Variants in ZMYND12 observed in about 807,000 individuals in gnomAD.
ZMYND12 encodes zinc finger MYND domain-containing protein 12.
In ZMYND12, 32 loss-of-function variants were observed where a neutral mutation model predicts 41.7. The observed-to-expected ratio is 0.77, with a 90% CI of 0.58 to 1.03. The LOEUF is 1.03. ZMYND12 is among the 50% of genes least tolerant of loss of function. The probability of loss-of-function intolerance (pLI) is 0.00; values close to 1 mark genes in which losing one functional copy is unlikely to be tolerated. For synonymous variants in ZMYND12, 148 were observed against 164.8 expected, an observed-to-expected ratio of 0.90 and a Z score of 0.78; for missense variants, 424 against 438.5, an observed-to-expected ratio of 0.97 and a Z score of 0.30.
chr1:42,440,560 A>G (rs1358366891), intron 3 of ZMYND12, among the ~76,000 whole-genome samples: 1 of 149,496 alleles, frequency 6.7e-6, no homozygotes, highest in Non-Finnish European at 1.5e-5. Flanking sequence ...ACTGCTGACA[A>G]TTACAGGCTT....
intron 5 of ZMYND12, 189 bp from the exon 6 acceptor site, chr1:42,435,574 T>G: frequency 1.9e-6 from 1 of 524,074 alleles, no homozygotes; most frequent in Non-Finnish European, 3.4e-6. Flanking sequence ...TGACAAGTGA[T>G]GGGCTGAAAA....
At chr1:42,450,519 TTC>T (rs1288282971) in intron 1 of ZMYND12, among the ~76,000 whole-genome samples, 1 of 152,204 alleles carries the variant, frequency 6.6e-6, no homozygotes, top group East Asian at 1.9e-4. Context: ...AGTTTCTTTA[TTC>T]TCTGTTTTAT....
chr1:42,447,711 CAGTTTTACTTTTAAAAA>C (rs1010073725), intron 3 of ZMYND12, among the ~76,000 whole-genome samples: 16 of 152,222 alleles, frequency 1.1e-4, no homozygotes, highest in South Asian at 4.1e-4. Flanking sequence ...TTAATTTTAA[CAGTTTTACTTTTAAAAA>C]AGTTTTACTT....
At chr1:42,440,524 T>C (rs1442140136) in intron 3 of ZMYND12, among the ~76,000 whole-genome samples, 3 of 152,032 alleles carry the variant, frequency 2.0e-5, no homozygotes, top group Admixed American at 2.0e-4. Context: ...GGGGGTCCAA[T>C]GCAAGGGAGG....
In ZMYND12 at chr1:42,455,921, C is replaced by CGCTCG. The variant is rs1643168027; in HGVS notation, c.72_76dup (p.Arg26ProfsTer34). ...AGTGACTGTGCAGGCCGCGCACACC[C>CGCTCG]GCTCGGCTGGGGCTTCGCACACCTC... On this transcript the variant is annotated frameshift_variant, in exon 1 of 8. Transcript: ENST00000372565. LOFTEE classifies it high-confidence loss of function. 1.2e-6 allele frequency: 2 copies of CGCTCG among 1,613,794 alleles called. No individual in the cohort carries two copies. The highest frequency in any genetic ancestry group is 3.3e-4 in the Middle Eastern group (2 of 6,060).
intron 1 of ZMYND12, among the ~76,000 whole-genome samples, chr1:42,451,472 G>A (rs1643082472): frequency 6.6e-6 from 1 of 152,240 alleles, no homozygotes; most frequent in African/African-American, 2.4e-5. Flanking sequence ...ATCTAGAGGA[G>A]GGATCAGAAA....
At chr1:42,440,388 C>A (rs1233465638) in intron 3 of ZMYND12, among the ~76,000 whole-genome samples, 1 of 152,034 alleles carries the variant, frequency 6.6e-6, no homozygotes, top group Non-Finnish European at 1.5e-5. Flanking sequence ...AACCAGACAC[C>A]AAAGGCCACA....
chr1:42,449,990 C>T lies in ZMYND12; in HGVS notation c.180G>A (p.Leu60=), dbSNP rs1242237570. Residue 60 remains leucine (L), a synonymous_variant, in exon 2 of 8, where the codon CTG becomes CTA. Coordinates refer to ENST00000372565, the MANE Select transcript of ZMYND12 (RefSeq NM_032257.5). ...AATTGTAGAAGGGCATGGAAGTGCG[C>T]AGTGGAATCAAGAGCTGACATATTT... ...HEKICQLLIP[L]RTSMPFYNSE... The T allele has an allele frequency of 6.2e-7, 1 of 1,613,944 alleles. No homozygotes were observed. The highest frequency in any genetic ancestry group is 1.1e-5 in the South Asian group (1 of 91,084).
At chr1:42,434,896 C>G (rs945993853) in intron 6 of ZMYND12, among the ~76,000 whole-genome samples, 7 of 152,076 alleles carry the variant, frequency 4.6e-5, no homozygotes, top group African/African-American at 7.2e-5. Flanking sequence ...CCACGCCCCC[C>G]AGTCCATGGA....
At chr1:42,435,539 CA>C in intron 5 of ZMYND12, 154 bp from the exon 6 acceptor site, 2 of 590,272 alleles carry the variant, frequency 3.4e-6, no homozygotes, top group Non-Finnish European at 3.0e-6. Flanking sequence ...CCTAGGAGCC[CA>C]AACAGGCCTG....
chr1:42,441,770 G>A (rs373102198), intron 3 of ZMYND12, among the ~76,000 whole-genome samples: 57 of 151,952 alleles, frequency 3.8e-4, no homozygotes, highest in East Asian at 9.7e-4. Flanking sequence ...ACAGGCGCCC[G>A]CCACTACGCC....
rs1643166258 is a variant in ZMYND12, at chr1:42,455,871, C to T, written c.110+17G>A. ...GGAGGGAGTTATAGCGCCCAGGTGC[C>T]ACGTTTCAGGGCCTACCAGTAATAA... On this transcript the variant is annotated intron_variant, in intron 1 of 7. Transcript: ENST00000372565. The T allele has an allele frequency of 6.3e-7, 1 of 1,590,256 alleles. No homozygotes were observed. Among genetic ancestry groups the T allele is most frequent in the Non-Finnish European group, 8.6e-7 (1 of 1,163,788 alleles).
At position 42,455,869 on chromosome 1, in the gene ZMYND12, G is replaced by A. The variant is rs761415381; in HGVS notation, c.110+19C>T. On this transcript the variant is annotated intron_variant, in intron 1 of 7. Transcript: ENST00000372565. ...AGGGAGGGAGTTATAGCGCCCAGGT[G>A]CCACGTTTCAGGGCCTACCAGTAAT... is the stretch of plus-strand genomic sequence containing the variant. 1 of 1,584,190 alleles carries A rather than the reference G, an allele frequency of 6.3e-7. No homozygotes were observed. Among genetic ancestry groups the A allele is most frequent in the Non-Finnish European group, 8.6e-7 (1 of 1,158,594 alleles).
chr1:42,433,355 C>T, intron 6 of ZMYND12, 67 bp from the exon 7 acceptor site: 1 of 1,506,640 alleles, frequency 6.6e-7, no homozygotes, highest in South Asian at 1.4e-5. Context: ...ATCAAAAGCA[C>T]TCAGCTGTTA....
intron 1 of ZMYND12, among the ~76,000 whole-genome samples, chr1:42,452,305 T>C (rs1050839822): frequency 1.3e-5 from 2 of 152,248 alleles, no homozygotes; most frequent in African/African-American, 4.8e-5. Flanking sequence ...GTATTTGTAG[T>C]GAATTACAGA....
intron 1 of ZMYND12, among the ~76,000 whole-genome samples, chr1:42,453,609 AG>A (rs1197220880): frequency 1.8e-4 from 27 of 152,248 alleles, no homozygotes; most frequent in African/African-American, 6.5e-4. Flanking sequence ...CAGAGGAAGA[AG>A]GAATTACTTC....
intron 1 of ZMYND12, among the ~76,000 whole-genome samples, chr1:42,451,552 A>G (rs571516245): frequency 5.3e-5 from 8 of 152,210 alleles, no homozygotes; most frequent in Non-Finnish European, 8.8e-5. Flanking sequence ...GCAACTACTC[A>G]ACTCTGCTGT....
At chr1:42,448,057 G>A (rs1358040864) in intron 3 of ZMYND12, among the ~76,000 whole-genome samples, 1 of 152,194 alleles carries the variant, frequency 6.6e-6, no homozygotes, top group Non-Finnish European at 1.5e-5. Flanking sequence ...ACATTTTGGG[G>A]TAGCTGTCTT....
chr1:42,455,255 C>G (rs1643145516), intron 1 of ZMYND12, among the ~76,000 whole-genome samples: 1 of 152,196 alleles, frequency 6.6e-6, no homozygotes, highest in Admixed American at 6.5e-5. Context: ...TCAAATGTTT[C>G]TTCCACAGGG....
Sources: allele counts gnomAD v4.1 joint callset (sites outside exome capture counted in the v4.1 genomes callset), GRCh38; gene constraint gnomAD v4.1.1; transcripts MANE v1.5; gene names NCBI Gene and HGNC (gene_info 2026-07-23, HGNC 2026-07-21).